Variants in COMMD10 observed in about 807,000 individuals in gnomAD.
COMMD10 encodes COMM domain-containing protein 10.
Under a neutral mutation model 28.9 loss-of-function variants are expected in COMMD10, and 33 were observed. That is an observed-to-expected ratio of 1.14 (90% CI 0.87 to 1.53). The LOEUF (loss-of-function observed/expected upper bound fraction) is 1.53. COMMD10 is among the 40% of genes most tolerant of loss of function. COMMD10 has a pLI of 0.00. For synonymous variants in COMMD10, 110 were observed against 81.7 expected, an observed-to-expected ratio of 1.35 and a Z score of -1.87; for missense variants, 310 against 233.4, an observed-to-expected ratio of 1.33 and a Z score of -2.14.
chr5:116,120,904 T>A (rs1265704358), intron 4 of COMMD10, among the ~76,000 whole-genome samples: 1 of 152,148 alleles, frequency 6.6e-6, no homozygotes, highest in Non-Finnish European at 1.5e-5. Context: ...CATTTATGTA[T>A]ATGTTTTGTA....
At chr5:116,260,238 A>G (rs1051327009) in intron 5 of COMMD10, among the ~76,000 whole-genome samples, 1 of 151,826 alleles carries the variant, frequency 6.6e-6, no homozygotes, top group Admixed American at 6.6e-5. Flanking sequence ...AAGGGAGGAA[A>G]ATGTGCTGAA....
At chr5:116,199,217 G>T (rs1466502954) in intron 5 of COMMD10, among the ~76,000 whole-genome samples, 2 of 151,984 alleles carry the variant, frequency 1.3e-5, no homozygotes, top group African/African-American at 4.8e-5. Context: ...CATACGGTGT[G>T]GAGCATCTTT....
intron 4 of COMMD10, among the ~76,000 whole-genome samples, chr5:116,116,569 G>C (rs1195095069): frequency 6.6e-6 from 1 of 152,124 alleles, no homozygotes; most frequent in Non-Finnish European, 1.5e-5. Flanking sequence ...TGTTACTTTA[G>C]TTTCGGTATG....
intron 4 of COMMD10, among the ~76,000 whole-genome samples, chr5:116,104,705 C>T (rs1252997181): frequency 6.6e-6 from 1 of 151,950 alleles, no homozygotes; most frequent in Admixed American, 6.6e-5. Context: ...CTGTAAGCTC[C>T]TCCTCCCGAG....
At chr5:116,118,532 A>G (rs1751316154) in intron 4 of COMMD10, among the ~76,000 whole-genome samples, 2 of 152,342 alleles carry the variant, frequency 1.3e-5, no homozygotes, top group South Asian at 4.1e-4. Flanking sequence ...TGACAGAGAA[A>G]GGACAATAAA....
intron 5 of COMMD10, among the ~76,000 whole-genome samples, chr5:116,143,680 A>T (rs906479837): frequency 9.2e-5 from 14 of 151,870 alleles, no homozygotes; most frequent in Non-Finnish European, 2.1e-4. Flanking sequence ...TAATATAAAT[A>T]TTTTGACATA....
intron 1 of COMMD10, chr5:116,085,383 G>C (rs1261335422): frequency 1.2e-5 from 5 of 420,182 alleles, no homozygotes; most frequent in Non-Finnish European, 2.1e-5. Flanking sequence ...CACTGTTCGC[G>C]GAGTTTGGTA....
At chr5:116,283,371 G>A (rs771283640) in intron 5 of COMMD10, among the ~76,000 whole-genome samples, 1 of 150,172 alleles carries the variant, frequency 6.7e-6, no homozygotes, top group Non-Finnish European at 1.5e-5. Flanking sequence ...TTTTAAGACA[G>A]TGTCTTGCTC....
chr5:116,275,266 C>T (rs906410795), intron 5 of COMMD10, among the ~76,000 whole-genome samples: 1 of 151,832 alleles, frequency 6.6e-6, no homozygotes, highest in Non-Finnish European at 1.5e-5. Context: ...GTTCAAGCCA[C>T]CATCATCACA....
intron 4 of COMMD10, among the ~76,000 whole-genome samples, chr5:116,108,810 A>G (rs1462599596): frequency 1.3e-5 from 2 of 152,122 alleles, no homozygotes; most frequent in Non-Finnish European, 2.9e-5. Flanking sequence ...CTTGAAACCC[A>G]GGGCCTAGGT....
intron 4 of COMMD10, among the ~76,000 whole-genome samples, chr5:116,101,585 C>A (rs1452890414): frequency 6.6e-6 from 1 of 152,036 alleles, no homozygotes; most frequent in African/African-American, 2.4e-5. Context: ...CACCACCACG[C>A]CCGGCTAATT....
intron 5 of COMMD10, among the ~76,000 whole-genome samples, chr5:116,193,001 T>C (rs4476764): frequency 0.98 from 149,029 of 152,334 alleles, 72,977 homozygotes; most frequent in South Asian, 1. Context: ...GGGATTAGCC[T>C]TATCTTCAGC....
At chr5:116,105,263 T>C (rs549077368) in intron 4 of COMMD10, among the ~76,000 whole-genome samples, 4 of 152,352 alleles carry the variant, frequency 2.6e-5, no homozygotes, top group Admixed American at 1.3e-4. Flanking sequence ...ATTACTTTTA[T>C]TGACTTGCAT....
chr5:116,260,029 AT>A (rs753249520), intron 5 of COMMD10, among the ~76,000 whole-genome samples: 21 of 151,724 alleles, frequency 1.4e-4, no homozygotes, highest in Non-Finnish European at 2.9e-4. Flanking sequence ...CTGCAGTGGT[AT>A]TATTTTCCTG....
rs533703119 is a variant in COMMD10, at chr5:116,155,698, A to G, written c.510+21520A>G. On this transcript the variant is annotated intron_variant, in intron 5 of 6. Transcript: ENST00000274458. Reference sequence around the variant, plus strand: ...TGTTTTTTCCCCTCCATATGTGTTGATTGTGATTCTATTGCTTTCAGCCAA... The same window carrying G: ...TGTTTTTTCCCCTCCATATGTGTTGGTTGTGATTCTATTGCTTTCAGCCAA... Among the ~76,000 whole-genome samples, 13 of 152,104 alleles carry G rather than the reference A, an allele frequency of 8.5e-5. No individual in the cohort carries two copies. The East Asian group carries it at 2.5e-3, about 29-fold the overall frequency.
At chr5:116,090,752 T>C (rs947534345) in intron 2 of COMMD10, among the ~76,000 whole-genome samples, 1 of 152,210 alleles carries the variant, frequency 6.6e-6, no homozygotes, top group African/African-American at 2.4e-5. Flanking sequence ...GACAGAAGTC[T>C]GAGATTTCTG....
chr5:116,089,894 G>C (rs1164113161), intron 2 of COMMD10, among the ~76,000 whole-genome samples: 1 of 152,168 alleles, frequency 6.6e-6, no homozygotes, highest in Non-Finnish European at 1.5e-5. Context: ...GGGCTTTTCA[G>C]TCAAGTTTGC....
chr5:116,198,720 T>G (rs1008843485), intron 5 of COMMD10, among the ~76,000 whole-genome samples: 2 of 152,158 alleles, frequency 1.3e-5, no homozygotes, highest in Non-Finnish European at 2.9e-5. Flanking sequence ...CAGTATGAAG[T>G]CTTCTCAGGT....
chr5:116,189,293 C>G (rs1748265028), intron 5 of COMMD10, among the ~76,000 whole-genome samples: 1 of 152,114 alleles, frequency 6.6e-6, no homozygotes, highest in Admixed American at 6.6e-5. Flanking sequence ...TTTCCAACTC[C>G]CAGGCTCAAG....
Sources: gnomAD v4.1 joint callset for allele counts (sites outside exome capture counted in the v4.1 genomes callset) on GRCh38, gnomAD v4.1.1 for gene constraint, MANE v1.5 for transcripts, NCBI Gene and HGNC (gene_info 2026-07-23, HGNC 2026-07-21) for gene names.